Variants in SLC14A2 observed in about 807,000 individuals in gnomAD.
SLC14A2 encodes urea transporter 2.
SLC14A2 carries 91 observed loss-of-function variants against 104.6 expected under a neutral mutation model. The ratio of observed to expected loss-of-function variants is 0.87; its 90% confidence interval spans 0.73 to 1.04. SLC14A2 has a LOEUF of 1.04. SLC14A2 is among the 50% of genes least tolerant of loss of function. The pLI is 0.00. For synonymous variants in SLC14A2, 476 were observed against 466.4 expected (o/e 1.02, Z -0.27); for missense variants, 1,189 against 1,156.0 (o/e 1.03, Z -0.41).
At chr18:45,570,118 C>A (rs1336066149) in intron 2 of SLC14A2, among the ~76,000 whole-genome samples, 4 of 152,120 alleles carry the variant, frequency 2.6e-5, no homozygotes, top group African/African-American at 7.2e-5. Context: ...GGAGAGGGAG[C>A]AATGTGGGCT....
At chr18:45,644,364 G>A (rs540743438) in intron 10 of SLC14A2, 51 of 499,168 alleles carry the variant, frequency 1.0e-4, no homozygotes, top group Admixed American at 2.3e-4. Flanking sequence ...TCTATTGTGC[G>A]ACATTAAGGG....
rs187071388 is a variant in SLC14A2, at chr18:45,369,665, T to G, written c.-124-113568T>G. ...GCTGTGAGAAAGGTGTATTTGCTCA[T>G]GTGTGTGTATATTTACACAAATACA... On this transcript the variant is annotated intron_variant, in intron 1 of 20. Transcript: ENST00000586448. 3.3e-5 allele frequency among the ~76,000 whole-genome samples: 5 copies of G among 152,344 alleles called. No homozygotes were observed. The East Asian group carries it at 9.6e-4, about 29-fold the overall frequency.
At chr18:45,351,439 T>C (rs770931931) in intron 1 of SLC14A2, among the ~76,000 whole-genome samples, 1 of 152,142 alleles carries the variant, frequency 6.6e-6, no homozygotes, top group Non-Finnish European at 1.5e-5. Flanking sequence ...ACTACAGCCT[T>C]GACCTTCTAG....
the SLC14A2 span, among the ~76,000 whole-genome samples, chr18:45,169,662 A>G: frequency 6.6e-6 from 1 of 152,176 alleles, no homozygotes; most frequent in Admixed American, 6.5e-5. Context: ...ACCATACTTA[A>G]TCTGTAACCC....
chr18:45,534,122 G>A (rs1488433410), intron 2 of SLC14A2, among the ~76,000 whole-genome samples: 3 of 152,210 alleles, frequency 2.0e-5, no homozygotes, highest in Non-Finnish European at 4.4e-5. Context: ...TTGGGAAGGT[G>A]CTTTGAGTGT....
rs560132209 is a variant in SLC14A2, at chr18:45,470,922, T to G, written c.-124-12311T>G. 2.0e-5 allele frequency among the ~76,000 whole-genome samples: 3 copies of G among 152,242 alleles called. No homozygotes were observed. The South Asian group carries it at 6.2e-4, about 32-fold the overall frequency. The stretch of plus-strand genomic sequence containing the variant: ...ACTTCTGAATTTTTTTTAGTTTCAG[T>G]GTTTTAAAATGTTATTATAGTTCAT... On this transcript the variant is annotated intron_variant, in intron 1 of 20. Transcript: ENST00000586448.
chr18:45,408,365 T>A (rs17750770), intron 1 of SLC14A2, among the ~76,000 whole-genome samples: 60,404 of 152,026 alleles, frequency 0.4, 14,286 homozygotes, highest in Non-Finnish European at 0.52. Flanking sequence ...CTTGTGAGGA[T>A]GTGAGTCATT....
intron 1 of SLC14A2, among the ~76,000 whole-genome samples, chr18:45,432,301 C>T (rs909865056): frequency 2.0e-5 from 3 of 152,074 alleles, no homozygotes; most frequent in Non-Finnish European, 2.9e-5. Context: ...CAGGGGCAGG[C>T]GGGACCCAGG....
chr18:45,530,844 C>T (rs566893197), intron 2 of SLC14A2, among the ~76,000 whole-genome samples: 1 of 151,944 alleles, frequency 6.6e-6, no homozygotes, highest in African/African-American at 2.4e-5. Context: ...TGCTATCCCT[C>T]CCCACTCCCC....
At chr18:45,536,249 A>G (rs1256483274) in intron 2 of SLC14A2, among the ~76,000 whole-genome samples, 1 of 152,214 alleles carries the variant, frequency 6.6e-6, no homozygotes, top group Non-Finnish European at 1.5e-5. Context: ...CTTGAACAAG[A>G]AAGCATAAAA....
intron 8 of SLC14A2, among the ~76,000 whole-genome samples, chr18:45,642,055 G>T (rs1333194851): frequency 6.6e-6 from 1 of 152,182 alleles, no homozygotes; most frequent in Non-Finnish European, 1.5e-5. Context: ...TAATTAACTT[G>T]CCCTAGAAGA....
At chr18:45,365,506 A>C (rs1044354718) in intron 1 of SLC14A2, among the ~76,000 whole-genome samples, 2 of 152,254 alleles carry the variant, frequency 1.3e-5, no homozygotes, top group Non-Finnish European at 2.9e-5. Context: ...TGGAGCTTGC[A>C]GGATGCCAAA....
chr18:45,671,207 T>C (rs1210938748), intron 16 of SLC14A2, among the ~76,000 whole-genome samples: 1 of 152,066 alleles, frequency 6.6e-6, no homozygotes, highest in South Asian at 2.1e-4. Context: ...GAGAAGAAAT[T>C]TTGAAATTTT....
intron 1 of SLC14A2, among the ~76,000 whole-genome samples, chr18:45,391,540 C>T (rs1243400218): frequency 1.3e-5 from 2 of 152,156 alleles, no homozygotes; most frequent in African/African-American, 4.8e-5. Flanking sequence ...ACAGTCCCAC[C>T]AACAGTGTAA....
chr18:45,198,031 G>C, the SLC14A2 span, among the ~76,000 whole-genome samples: 1 of 152,124 alleles, frequency 6.6e-6, no homozygotes, highest in Non-Finnish European at 1.5e-5. Flanking sequence ...ATTATAACCA[G>C]AATATCTAGA....
At position 45,232,048 on chromosome 18, in the gene SLC14A2, A is replaced by C. The variant is rs1001426605; in HGVS notation, c.-125+18857A>C. On this transcript the variant is annotated intron_variant, in intron 1 of 20. Transcript: ENST00000586448. ...TCCATTGCAATAGTAAAAAAAAAAA[A>C]CAAAATGATGAGTGAATGAACCAGA... is the stretch of plus-strand genomic sequence containing the variant. Among the ~76,000 whole-genome samples the C allele has an allele frequency of 7.9e-5, 12 of 151,202 alleles. No individual in the cohort carries two copies. The East Asian group carries it at 1.6e-3, about 20-fold the overall frequency.
At chr18:45,408,833 C>G (rs1366005698) in intron 1 of SLC14A2, among the ~76,000 whole-genome samples, 1 of 152,144 alleles carries the variant, frequency 6.6e-6, no homozygotes, top group Non-Finnish European at 1.5e-5. Context: ...TACATGAGTT[C>G]AAGACCAGGT....
intron 1 of SLC14A2, among the ~76,000 whole-genome samples, chr18:45,445,106 C>CTT (rs34188378): frequency 0.16 from 15,519 of 94,610 alleles, 2,279 homozygotes; most frequent in African/African-American, 0.37. Flanking sequence ...AATTGACATG[C>CTT]TTTTTTTTTT....
At chr18:45,618,909 C>T (rs927876152) in intron 1 of SLC14A2, among the ~76,000 whole-genome samples, 5 of 151,982 alleles carry the variant, frequency 3.3e-5, no homozygotes, top group African/African-American at 7.3e-5. Flanking sequence ...TGGGCATGGG[C>T]GTGTTTCTGC....
Sources: allele counts gnomAD v4.1 joint callset (sites outside exome capture counted in the v4.1 genomes callset), GRCh38; gene constraint gnomAD v4.1.1; transcripts MANE v1.5; gene names NCBI Gene and HGNC (gene_info 2026-07-23, HGNC 2026-07-21).